Variants in USP10 observed in about 807,000 individuals in gnomAD.
USP10 encodes ubiquitin specific peptidase 10.
A neutral mutation model predicts 84.5 loss-of-function variants in USP10; 22 were observed. The observed-to-expected ratio is 0.26, with a 90% CI of 0.19 to 0.37. The LOEUF (loss-of-function observed/expected upper bound fraction) is 0.37, where lower values mean the gene tolerates loss of function less well. Ranked by LOEUF, USP10 falls within the 10% of genes least tolerant of loss-of-function variation. The probability of loss-of-function intolerance (pLI) is 1.00; values close to 1 mark genes in which losing one functional copy is unlikely to be tolerated. For missense variants in USP10, 1,019 were observed against 998.9 expected (o/e 1.02, Z -0.27); for synonymous variants, 454 against 387.6 (o/e 1.17, Z -2.01).
At chr16:84,709,915 GAGAA>G (rs1906055392) in intron 1 of USP10, among the ~76,000 whole-genome samples, 1 of 152,138 alleles carries the variant, frequency 6.6e-6, no homozygotes, top group Non-Finnish European at 1.5e-5. Context: ...GGAGAGGAGA[GAGAA>G]AGAATTTGGT....
At position 84,734,225 on chromosome 16, in the gene USP10, A is replaced by G. The variant is rs73243970; in HGVS notation, c.90+722A>G. On this transcript the variant is annotated intron_variant, in intron 2 of 13. Coordinates refer to ENST00000219473, the MANE Select transcript of USP10 (RefSeq NM_005153.3). ...GCTATCTAGGATTTTAACAGTCTTC[A>G]TTCCCATCAGCAGTGCATGGGAGTT... Among the ~76,000 whole-genome samples, 636 of 152,044 alleles carry G rather than the reference A, an allele frequency of 4.2e-3. 5 individuals are homozygous for G. The highest frequency in any genetic ancestry group is 0.015 in the African/African-American group (605 of 41,442).
intron 1 of USP10, among the ~76,000 whole-genome samples, chr16:84,729,543 C>T (rs1263716115): frequency 6.6e-6 from 1 of 152,206 alleles, no homozygotes; most frequent in Non-Finnish European, 1.5e-5. Context: ...GGGGAATACT[C>T]ATTGTATGGG....
chr16:84,756,198 G>A (rs868106235), intron 4 of USP10, among the ~76,000 whole-genome samples: 1 of 152,136 alleles, frequency 6.6e-6, no homozygotes, highest in Non-Finnish European at 1.5e-5. Context: ...CTTGCCTAGG[G>A]CAGGACCACC....
chr16:84,737,778 C>G (rs1473486444), intron 2 of USP10, among the ~76,000 whole-genome samples: 3 of 152,214 alleles, frequency 2.0e-5, no homozygotes, highest in African/African-American at 4.8e-5. Context: ...GCCACAGTAA[C>G]AGGACCTCCT....
chr16:84,710,794 G>A (rs1007856038), intron 1 of USP10, among the ~76,000 whole-genome samples: 1 of 152,176 alleles, frequency 6.6e-6, no homozygotes, highest in Non-Finnish European at 1.5e-5. Context: ...GCCACCAAGA[G>A]ACACTGAGTA....
At chr16:84,751,388 G>A (rs1055764381) in intron 4 of USP10, among the ~76,000 whole-genome samples, 1 of 152,172 alleles carries the variant, frequency 6.6e-6, no homozygotes, top group African/African-American at 2.4e-5. Flanking sequence ...GCTCCTTGGG[G>A]GAAATGGTTT....
intron 5 of USP10, chr16:84,759,152 C>T (rs1912909783): frequency 1.3e-5 from 8 of 601,152 alleles, no homozygotes; most frequent in Admixed American, 2.9e-5. Context: ...TGAATACAAA[C>T]GACTGACTGC....
rs760179345 is a variant in USP10, at chr16:84,745,401, C to T, written c.920C>T (p.Thr307Met). The T allele has an allele frequency of 2.4e-5, 39 of 1,613,600 alleles. No individual in the cohort carries two copies. In the African/African-American group the frequency reaches 3.1e-4, roughly 13 times the overall value. The change falls in exon 4 of 14, where the codon ACG (threonine) becomes ATG (methionine). Residue 307 changes from threonine to methionine, a missense_variant. By Grantham distance (81) the Thr-to-Met change is moderately conservative. Coordinates refer to ENST00000219473, the MANE Select transcript of USP10 (RefSeq NM_005153.3). ...ACCAACGGGGTGGAGTTGCACACCACGGAAAGCATAGACTTGGACCCAACC... is the reference window on the plus strand; with the variant it reads ...ACCAACGGGGTGGAGTTGCACACCATGGAAAGCATAGACTTGGACCCAACC... ...TATNGVELHT[T>M]ESIDLDPTKP...
intron 1 of USP10, among the ~76,000 whole-genome samples, chr16:84,707,758 CCAAA>C (rs1262240806): frequency 2.0e-5 from 3 of 151,872 alleles, no homozygotes; most frequent in Non-Finnish European, 4.4e-5. Context: ...AACATGTTGT[CCAAA>C]CAATTTTTTT....
intron 4 of USP10, among the ~76,000 whole-genome samples, chr16:84,755,481 C>T (rs73245632): frequency 1.8e-3 from 267 of 152,146 alleles, no homozygotes; most frequent in African/African-American, 6.1e-3. Context: ...CCCCTGCGTG[C>T]TTCTCACTTC....
chr16:84,757,396 GGTGGGGGTGT>G (rs746907157), intron 4 of USP10, among the ~76,000 whole-genome samples: 13,776 of 127,362 alleles, frequency 0.11, 739 homozygotes, highest in African/African-American at 0.12. Flanking sequence ...GAATGAGAGG[GGTGGGGGTGT>G]GTGTGTGTGT....
At chr16:84,726,639 C>G (rs933041711) in intron 1 of USP10, among the ~76,000 whole-genome samples, 2 of 152,210 alleles carry the variant, frequency 1.3e-5, no homozygotes, top group Non-Finnish European at 2.9e-5. Flanking sequence ...TTTCCACATC[C>G]TCTTGAGAAA....
At chr16:84,753,620 T>A (rs1209440312) in intron 4 of USP10, among the ~76,000 whole-genome samples, 1 of 152,218 alleles carries the variant, frequency 6.6e-6, no homozygotes, top group Non-Finnish European at 1.5e-5. Context: ...CCCGTCTTCC[T>A]GGTTTGTGTG....
In USP10 at chr16:84,773,975, C is replaced by T. The variant is rs565161713; in HGVS notation, c.2144-1185C>T. 1.2e-4 allele frequency among the ~76,000 whole-genome samples: 18 copies of T among 152,236 alleles called. No individual in the cohort carries two copies. The East Asian group carries it at 1.4e-3, about 11-fold the overall frequency. On this transcript the variant is annotated intron_variant, in intron 12 of 13. Transcript: ENST00000219473. Reference sequence around the variant, plus strand: ...AAATATGACATAAATGGGGGCTGGGCGCAGTGGCTCACACCTGTAATCCCA... The same window carrying T: ...AAATATGACATAAATGGGGGCTGGGTGCAGTGGCTCACACCTGTAATCCCA...
chr16:84,764,700 A>AGG (rs1483879795), intron 10 of USP10, among the ~76,000 whole-genome samples: 1 of 151,996 alleles, frequency 6.6e-6, no homozygotes, highest in African/African-American at 2.4e-5. Context: ...GTGTGGTGAC[A>AGG]GGCACCTGTA....
At chr16:84,767,700 C>T (rs1914011889) in intron 10 of USP10, among the ~76,000 whole-genome samples, 1 of 152,084 alleles carries the variant, frequency 6.6e-6, no homozygotes, top group Admixed American at 6.5e-5. Flanking sequence ...AGAGCACTGG[C>T]GTTGGGAACA....
chr16:84,700,222 G>T lies in USP10; in HGVS notation c.21+111G>T, dbSNP rs1904659654. 5.6e-6 allele frequency: 5 copies of T among 894,908 alleles called. No homozygotes were observed. The East Asian group carries it at 2.3e-4, about 41-fold the overall frequency. The allele number at this position is 894,908 out of a possible 1,614,324, so 55.4% of individuals were successfully genotyped here. On this transcript the variant is annotated intron_variant, in intron 1 of 13. Coordinates refer to ENST00000219473, the MANE Select transcript of USP10 (RefSeq NM_005153.3). ...CCGGAGCGAGCGTGTGGGAGTGGGG[G>T]AGGGCGCTGGGACACGCTGCCCGGG...
At chr16:84,778,329 G>A (rs1369334127) in intron 13 of USP10, among the ~76,000 whole-genome samples, 1 of 152,060 alleles carries the variant, frequency 6.6e-6, no homozygotes, top group Non-Finnish European at 1.5e-5. Context: ...TAAGGACCTT[G>A]TTTTCTCATT....
chr16:84,740,360 C>G lies in USP10; in HGVS notation c.142C>G (p.Leu48Val), dbSNP rs1910482519. Residue 48 changes from leucine to valine, a missense_variant, in exon 3 of 14, where the codon CTA becomes GTA. Around this residue, in one of 2 missense-constraint regions of USP10, gnomAD observed 787 missense variants for 708.8 expected, o/e 1.11. Coordinates refer to ENST00000219473, the MANE Select transcript of USP10 (RefSeq NM_005153.3). ...VLCGTQAVDK[L>V]PDGQEYQRIE... is the part of the protein sequence containing the mutation. ...GTGTGGCACACAGGCTGTGGATAAACTACCTGATGGTAAGCTAGTTCTCTC... is the reference window on the plus strand; with the variant it reads ...GTGTGGCACACAGGCTGTGGATAAAGTACCTGATGGTAAGCTAGTTCTCTC... 6.2e-7 allele frequency: 1 copy of G among 1,612,722 alleles called. No homozygotes were observed. Among genetic ancestry groups the G allele is most frequent in the South Asian group, 1.1e-5 (1 of 90,970 alleles).
Sources: allele counts gnomAD v4.1 joint callset (sites outside exome capture counted in the v4.1 genomes callset), GRCh38; gene constraint gnomAD v4.1.1; regional missense constraint gnomAD v4.1.1; transcripts MANE v1.5; gene names NCBI Gene and HGNC (gene_info 2026-07-23, HGNC 2026-07-21).